PROS1: variants seen among roughly 807,000 people sequenced by gnomAD.
The protein encoded by PROS1 is vitamin K-dependent protein S.
PROS1 carries 29 observed loss-of-function variants against 75.9 expected under a neutral mutation model. That is an observed-to-expected ratio of 0.38 (90% confidence interval 0.28 to 0.52). The LOEUF (loss-of-function observed/expected upper bound fraction) is 0.52, where lower values mean the gene tolerates loss of function less well. Among genes scored for constraint, PROS1 ranks in the 20% least tolerant of loss-of-function variants. PROS1 has a pLI of 0.83. For missense variants in PROS1, 680 were observed against 810.3 expected (o/e 0.84, Z 1.95); for synonymous variants, 245 against 280.6 (o/e 0.87, Z 1.27).
At chr3:93,927,522 A>G in intron 1 of PROS1, 115 bp from the exon 2 acceptor site, 2 of 1,210,306 alleles carry the variant, frequency 1.7e-6, no homozygotes. Context: ...TGACATTTAA[A>G]ATCAGTATGA....
intron 1 of PROS1, among the ~76,000 whole-genome samples, chr3:93,972,604 C>G (rs992215056): frequency 2.4e-4 from 36 of 151,052 alleles, no homozygotes; most frequent in African/African-American, 8.0e-4. Context: ...TTTGGGAGGC[C>G]AAGGCGGATG....
rs528413262 is a variant in PROS1 at position 93,937,029 on chromosome 3, G to A, written c.77-9622C>T. Among the ~76,000 whole-genome samples, 63 of 152,250 alleles carry A rather than the reference G, an allele frequency of 4.1e-4. No homozygotes were observed. In the Middle Eastern group the frequency reaches 0.017, roughly 41 times the overall value. On this transcript the variant is annotated intron_variant, in intron 1 of 14. Coordinates refer to ENST00000394236, the MANE Select transcript of PROS1 (RefSeq NM_000313.4). ...GAGAACCTGTTGGTGAATAAACAAG[G>A]GACAGGAAGAGTTGATCCGTAGCAG...
intron 10 of PROS1, among the ~76,000 whole-genome samples, chr3:93,887,322 GAAA>G (rs917906872): frequency 6.6e-6 from 1 of 152,060 alleles, no homozygotes; most frequent in African/African-American, 2.4e-5. Flanking sequence ...GAGGCAATAA[GAAA>G]AAAATACATA....
intron 9 of PROS1, among the ~76,000 whole-genome samples, chr3:93,893,414 A>G (rs1376443853): frequency 1.3e-5 from 2 of 152,190 alleles, no homozygotes; most frequent in African/African-American, 2.4e-5. Flanking sequence ...ATATTTTGAT[A>G]GCACCTTCCA....
chr3:93,900,948 T>C lies in PROS1; in HGVS notation c.602-19A>G. 1.1e-5 allele frequency: 17 copies of C among 1,611,394 alleles called. No homozygotes were observed. The highest frequency in any genetic ancestry group is 1.4e-5 in the Non-Finnish European group (17 of 1,178,902). On this transcript the variant is annotated intron_variant, in intron 6 of 14. Transcript: ENST00000394236. ...TCCACATCTATAAATAAAATCACTA[T>C]ATTAAAAAACATTTTTCCCATACCA...
At chr3:93,879,612 C>T (rs1241991356) in intron 12 of PROS1, among the ~76,000 whole-genome samples, 1 of 152,158 alleles carries the variant, frequency 6.6e-6, no homozygotes, top group Non-Finnish European at 1.5e-5. Context: ...CTTCCTTCTC[C>T]CTTGCACATT....
intron 3 of PROS1, among the ~76,000 whole-genome samples, chr3:93,912,577 A>C (rs1308019834): frequency 4.6e-5 from 7 of 152,120 alleles, no homozygotes; most frequent in African/African-American, 1.7e-4. Flanking sequence ...CCCCTATCTG[A>C]GTCCACTTTG....
intron 1 of PROS1, among the ~76,000 whole-genome samples, chr3:93,930,439 G>C (rs1709091163): frequency 6.6e-6 from 1 of 152,166 alleles, no homozygotes; most frequent in African/African-American, 2.4e-5. Flanking sequence ...TCATTGAAGG[G>C]TGAATACACT....
intron 1 of PROS1, among the ~76,000 whole-genome samples, chr3:93,963,809 GACCTACCCCCATGACCAAAAC>G (rs1404953582): frequency 8.6e-5 from 13 of 151,966 alleles, no homozygotes; most frequent in African/African-American, 3.1e-4. Flanking sequence ...ATTCATAAGG[GACCTACCCCCATGACCAAAAC>G]ACCTCCCACC....
At chr3:93,904,155 T>C (rs942085333) in intron 6 of PROS1, among the ~76,000 whole-genome samples, 1 of 152,124 alleles carries the variant, frequency 6.6e-6, no homozygotes, top group African/African-American at 2.4e-5. Flanking sequence ...TCATCATTTT[T>C]TATGGCTGCT....
chr3:93,926,982 A>G (rs1262906102), intron 2 of PROS1, among the ~76,000 whole-genome samples: 1 of 152,068 alleles, frequency 6.6e-6, no homozygotes, highest in Non-Finnish European at 1.5e-5. Context: ...AATATTTACA[A>G]ACCATGAGGT....
intron 1 of PROS1, among the ~76,000 whole-genome samples, chr3:93,948,875 T>C (rs1040492388): frequency 1.4e-4 from 21 of 152,224 alleles, no homozygotes; most frequent in African/African-American, 5.1e-4. Context: ...TCTATACATT[T>C]CTCTTATTCA....
intron 1 of PROS1, among the ~76,000 whole-genome samples, chr3:93,935,247 G>A (rs904519845): frequency 6.6e-6 from 1 of 151,960 alleles, no homozygotes; most frequent in African/African-American, 2.4e-5. Context: ...ATTGCAAACT[G>A]GTTATGTTTC....
Position 93,889,221 on chromosome 3 carries a change from TATAAC to T in PROS1, c.1156-2723_1156-2719del, listed in dbSNP as rs764500603. On this transcript the variant is annotated intron_variant, in intron 10 of 14. Coordinates refer to ENST00000394236, the MANE Select transcript of PROS1 (RefSeq NM_000313.4). ...TCTTTGTCTGGCTTTTCTTTTTCCTTATAACATGAATAACTATCTGGCATATTTAT... is the reference window on the plus strand; with the variant it reads ...TCTTTGTCTGGCTTTTCTTTTTCCTTATGAATAACTATCTGGCATATTTAT... 4.6e-4 allele frequency among the ~76,000 whole-genome samples: 70 copies of T among 152,348 alleles called. 1 individual carries two copies. The highest frequency in any genetic ancestry group is 1.3e-3 in the East Asian group (7 of 5,188).
intron 14 of PROS1, among the ~76,000 whole-genome samples, chr3:93,876,309 A>T (rs187875722): frequency 1.5e-4 from 23 of 152,212 alleles, no homozygotes; most frequent in African/African-American, 4.8e-4. Flanking sequence ...AGATACTACA[A>T]CTATTGTCAC....
intron 1 of PROS1, among the ~76,000 whole-genome samples, chr3:93,963,001 C>A (rs1384387764): frequency 6.6e-6 from 1 of 152,180 alleles, no homozygotes; most frequent in Admixed American, 6.5e-5. Context: ...AAGTTCAAAT[C>A]AAGTGGTCTG....
intron 1 of PROS1, among the ~76,000 whole-genome samples, chr3:93,932,621 T>C (rs1193218618): frequency 1.3e-5 from 2 of 152,232 alleles, no homozygotes; most frequent in African/African-American, 2.4e-5. Flanking sequence ...AATAAAACCA[T>C]TGTGCAAACA....
At chr3:93,925,828 A>AG (rs1709008481) in intron 2 of PROS1, among the ~76,000 whole-genome samples, 2 of 151,144 alleles carry the variant, frequency 1.3e-5, no homozygotes, top group South Asian at 4.2e-4. Context: ...GTCTAAAAAA[A>AG]AAAAAAAAAA....
intron 1 of PROS1, among the ~76,000 whole-genome samples, chr3:93,957,167 G>A (rs1348963602): frequency 6.6e-6 from 1 of 151,836 alleles, no homozygotes; most frequent in Non-Finnish European, 1.5e-5. Flanking sequence ...TATTTTAAAG[G>A]GTGATATAGA....
Sources: gnomAD v4.1 joint callset for allele counts (sites outside exome capture counted in the v4.1 genomes callset) on GRCh38, gnomAD v4.1.1 for gene constraint, MANE v1.5 for transcripts, NCBI Gene and HGNC (gene_info 2026-07-23, HGNC 2026-07-21) for gene names.